RBFOX1: variants seen among roughly 807,000 people sequenced by gnomAD.
RBFOX1 encodes the protein RNA binding fox-1 homolog 1, also known as RNA binding protein fox-1 homolog 1.
A neutral mutation model predicts 57.7 loss-of-function variants in RBFOX1; 8 were observed. The observed-to-expected ratio is 0.14, with a 90% CI of 0.08 to 0.25. The LOEUF (loss-of-function observed/expected upper bound fraction) is 0.25, where lower values mean the gene tolerates loss of function less well. RBFOX1 is among the 10% of genes least tolerant of loss of function. The pLI is 1.00. For synonymous variants in RBFOX1, 326 were observed against 222.4 expected (o/e 1.47, Z -4.15); for missense variants, 611 against 548.5 (o/e 1.11, Z -1.14).
At chr16:5,570,839 CA>C (rs35367073) in intron 2 of RBFOX1, among the ~76,000 whole-genome samples, 50 of 140,742 alleles carry the variant, frequency 3.6e-4, no homozygotes, top group Middle Eastern at 3.6e-3. Flanking sequence ...AACTCTGTCT[CA>C]AAAAAAAAAA....
At chr16:7,369,182 C>G (rs140669903) in intron 4 of RBFOX1, among the ~76,000 whole-genome samples, 2 of 152,040 alleles carry the variant, frequency 1.3e-5, no homozygotes. Flanking sequence ...AGGAGATTGA[C>G]TCCAAGTCTT....
In RBFOX1 at chr16:6,738,270, C is replaced by G. The variant is rs539983881; in HGVS notation, c.-16+83620C>G. 2.0e-5 allele frequency among the ~76,000 whole-genome samples: 3 copies of G among 152,014 alleles called. No homozygotes were observed. In the East Asian group the frequency reaches 5.8e-4, roughly 29 times the overall value. ...AAAGGATGTGAGTCCTTTGATTGCC[C>G]CAGCTTACTGCTTTAAGAGTTTCCA... is the stretch of plus-strand genomic sequence containing the variant. On this transcript the variant is annotated intron_variant, in intron 3 of 15. Coordinates refer to ENST00000550418, the MANE Select transcript of RBFOX1 (RefSeq NM_018723.4).
chr16:7,208,002 C>T (rs1399253422), intron 4 of RBFOX1, among the ~76,000 whole-genome samples: 2 of 152,064 alleles, frequency 1.3e-5, no homozygotes, highest in Non-Finnish European at 2.9e-5. Flanking sequence ...TTCTTTTTTC[C>T]ATCACTCACT....
chr16:7,424,764 A>G (rs146687116), intron 4 of RBFOX1, among the ~76,000 whole-genome samples: 389 of 152,302 alleles, frequency 2.6e-3, no homozygotes, highest in African/African-American at 9.0e-3. Context: ...AAGCAAGCAA[A>G]CAAACAAACA....
chr16:7,503,859 C>G (rs879809819), intron 4 of RBFOX1, among the ~76,000 whole-genome samples: 1 of 152,074 alleles, frequency 6.6e-6, no homozygotes, highest in Non-Finnish European at 1.5e-5. Flanking sequence ...GATGGGCAGC[C>G]CCATCTGTCA....
intron 4 of RBFOX1, among the ~76,000 whole-genome samples, chr16:5,919,612 G>A (rs1160315698): frequency 6.6e-6 from 1 of 152,086 alleles, no homozygotes; most frequent in African/African-American, 2.4e-5. Flanking sequence ...CCAAAGTGCT[G>A]GGATTATGCA....
intron 2 of RBFOX1, among the ~76,000 whole-genome samples, chr16:6,548,428 G>C (rs962440044): frequency 6.6e-6 from 1 of 152,064 alleles, no homozygotes; most frequent in Non-Finnish European, 1.5e-5. Flanking sequence ...GTTATGAGAA[G>C]GGAAGGCACA....
chr16:5,990,760 G>A (rs1190394193), intron 4 of RBFOX1, among the ~76,000 whole-genome samples: 1 of 152,174 alleles, frequency 6.6e-6, no homozygotes, highest in Non-Finnish European at 1.5e-5. Flanking sequence ...TGGAGGTCAG[G>A]AGTTCAAGAC....
intron 4 of RBFOX1, among the ~76,000 whole-genome samples, chr16:7,234,190 C>T (rs1454927541): frequency 6.6e-6 from 1 of 152,014 alleles, no homozygotes; most frequent in Non-Finnish European, 1.5e-5. Flanking sequence ...CAAGCTGTGG[C>T]ATGTTGCAGA....
At chr16:5,958,239 C>A (rs2059685032) in intron 4 of RBFOX1, among the ~76,000 whole-genome samples, 1 of 152,150 alleles carries the variant, frequency 6.6e-6, no homozygotes, top group Admixed American at 6.5e-5. Flanking sequence ...TTTCTTGTGG[C>A]CCTGCTTTAA....
chr16:6,063,426 C>G (rs1008272722), intron 1 of RBFOX1, among the ~76,000 whole-genome samples: 3 of 151,562 alleles, frequency 2.0e-5, no homozygotes, highest in Middle Eastern at 3.2e-3. Flanking sequence ...TTACTTGTCT[C>G]AAGCATTATC....
At chr16:6,306,219 G>A (rs1010675208) in intron 1 of RBFOX1, among the ~76,000 whole-genome samples, 3 of 152,104 alleles carry the variant, frequency 2.0e-5, no homozygotes, top group Admixed American at 1.3e-4. Flanking sequence ...CAATGACAAG[G>A]GAACCTGTCC....
At chr16:6,695,566 T>G (rs1282604749) in intron 3 of RBFOX1, among the ~76,000 whole-genome samples, 1 of 108,970 alleles carries the variant, frequency 9.2e-6, no homozygotes, top group African/African-American at 2.5e-5. Flanking sequence ...TATGAATGTT[T>G]CAAGTATGAG....
intron 1 of RBFOX1, among the ~76,000 whole-genome samples, chr16:6,060,165 A>G (rs1407881436): frequency 9.8e-6 from 1 of 102,164 alleles, no homozygotes; most frequent in Non-Finnish European, 1.9e-5. Context: ...TTTTACGTAT[A>G]ACAAGAATGG....
At chr16:5,524,820 C>T (rs2044175209) in intron 2 of RBFOX1, among the ~76,000 whole-genome samples, 1 of 152,090 alleles carries the variant, frequency 6.6e-6, no homozygotes. Context: ...GGATTACAGG[C>T]GTGAGACACC....
At chr16:7,486,845 G>A (rs1043550298) in intron 4 of RBFOX1, among the ~76,000 whole-genome samples, 9 of 152,110 alleles carry the variant, frequency 5.9e-5, no homozygotes, top group South Asian at 2.1e-4. Flanking sequence ...TCCTGTTTTT[G>A]TTCAGCCTCC....
chr16:6,268,658 A>T (rs2074837489), intron 1 of RBFOX1, among the ~76,000 whole-genome samples: 1 of 152,220 alleles, frequency 6.6e-6, no homozygotes. Context: ...GCCAGGGTTT[A>T]TGGCCTTGGG....
In RBFOX1 at chr16:6,529,465, A is replaced by G. The variant is rs145621902; in HGVS notation, c.-63-125138A>G. ...TCCCGGCTACTTGGGAGACTGAAGC[A>G]GGAAAATCGCTTGAACCTAGCAGGC... On this transcript the variant is annotated intron_variant, in intron 2 of 15. Transcript: ENST00000550418. Among the ~76,000 whole-genome samples, 472 of 152,190 alleles carry G rather than the reference A, an allele frequency of 3.1e-3. 3 individuals carry two copies. Among genetic ancestry groups the G allele is most frequent in the African/African-American group, 0.011 (455 of 41,528 alleles).
At chr16:6,864,073 AG>A (rs1199576237) in intron 3 of RBFOX1, among the ~76,000 whole-genome samples, 4 of 151,346 alleles carry the variant, frequency 2.6e-5, no homozygotes, top group African/African-American at 9.7e-5. Context: ...TTCAGACTAC[AG>A]GGAGAGTAGC....
Sources: gnomAD v4.1 joint callset for allele counts (sites outside exome capture counted in the v4.1 genomes callset) on GRCh38, gnomAD v4.1.1 for gene constraint, MANE v1.5 for transcripts, NCBI Gene and HGNC (gene_info 2026-07-23, HGNC 2026-07-21) for gene names.